CELF2: variants seen among roughly 807,000 people sequenced by gnomAD.
CELF2 encodes the protein CUG triplet repeat RNA-binding protein 2.
A neutral mutation model predicts 62.6 loss-of-function variants in CELF2; 8 were observed. The ratio of observed to expected loss-of-function variants is 0.13; its 90% CI spans 0.07 to 0.23. The LOEUF (loss-of-function observed/expected upper bound fraction) is 0.23, where lower values mean the gene tolerates loss of function less well. Ranked by LOEUF, CELF2 falls within the 10% of genes least tolerant of loss-of-function variation. The pLI, the probability that CELF2 is intolerant of heterozygous loss-of-function variation, is 1.00. For missense variants in CELF2, 333 were observed against 671.0 expected (o/e 0.50, Z 5.56); for synonymous variants, 258 against 250.0 (o/e 1.03, Z -0.30).
chr10:11,244,507 T>G lies in CELF2; in HGVS notation c.355-4646T>G, dbSNP rs186765934. On this transcript the variant is annotated intron_variant, in intron 3 of 12. Transcript: ENST00000633077. This position sits in a 1 kb window ranked among gnomAD's most constrained non-coding sequence, Gnocchi z 4.2. The stretch of plus-strand genomic sequence containing the variant: ...TCTCTGCTAAAAATACAAAGAAAAT[T>G]AGTTGGGCGTGGTGGCGGGCGCCTG... Among the ~76,000 whole-genome samples, 12 of 151,726 alleles carry G rather than the reference T, an allele frequency of 7.9e-5. No homozygotes were observed. Among genetic ancestry groups the G allele is most frequent in the African/African-American group, 2.9e-4 (12 of 41,256 alleles).
the CELF2 span, among the ~76,000 whole-genome samples, chr10:10,478,119 G>C: frequency 2.1e-4 from 32 of 152,242 alleles, no homozygotes; most frequent in East Asian, 3.5e-3. Context: ...TTAGCCATCA[G>C]ATTTGCTATC....
At chr10:11,293,400 A>G (rs1056086083) in intron 9 of CELF2, among the ~76,000 whole-genome samples, 1 of 152,252 alleles carries the variant, frequency 6.6e-6, no homozygotes, top group Non-Finnish European at 1.5e-5. Context: ...ATATGAATCA[A>G]TGCAAATGCC....
chr10:10,577,690 C>A, the CELF2 span, among the ~76,000 whole-genome samples: 1 of 152,034 alleles, frequency 6.6e-6, no homozygotes, highest in African/African-American at 2.4e-5. Context: ...GACATGAACT[C>A]ATCATTTTTT....
the CELF2 span, among the ~76,000 whole-genome samples, chr10:10,785,792 T>C: frequency 6.6e-6 from 1 of 152,126 alleles, no homozygotes; most frequent in African/African-American, 2.4e-5. Flanking sequence ...AGAAAGAAGT[T>C]CAAGAGGTCC....
At chr10:10,514,702 G>C in the CELF2 span, among the ~76,000 whole-genome samples, 1 of 152,098 alleles carries the variant, frequency 6.6e-6, no homozygotes, top group African/African-American at 2.4e-5. Context: ...GGATGGGGGT[G>C]TGTCTTAAAT....
intron 1 of CELF2, among the ~76,000 whole-genome samples, chr10:11,151,696 C>A (rs899347639): frequency 6.6e-6 from 1 of 152,058 alleles, no homozygotes; most frequent in African/African-American, 2.4e-5. Flanking sequence ...GCTGTGTTTT[C>A]TGGACCAAAC....
At chr10:10,719,590 T>C in the CELF2 span, among the ~76,000 whole-genome samples, 5 of 152,174 alleles carry the variant, frequency 3.3e-5, no homozygotes, top group African/African-American at 1.2e-4. Flanking sequence ...TTTTATATGT[T>C]GCATGATAGC....
At chr10:10,587,044 G>A in the CELF2 span, among the ~76,000 whole-genome samples, 6 of 152,152 alleles carry the variant, frequency 3.9e-5, no homozygotes, top group Non-Finnish European at 8.8e-5. Flanking sequence ...AGAACCAGAG[G>A]TGCCCCTTTA....
At chr10:11,284,069 G>A (rs866235373) in intron 8 of CELF2, among the ~76,000 whole-genome samples, 7 of 103,238 alleles carry the variant, frequency 6.8e-5, no homozygotes, top group Admixed American at 2.1e-4. Context: ...AGTGTGTGGT[G>A]GGTGGATGAT....
At chr10:10,736,357 A>AT in the CELF2 span, among the ~76,000 whole-genome samples, 6 of 109,670 alleles carry the variant, frequency 5.5e-5, no homozygotes, top group African/African-American at 2.3e-4. Context: ...ACTGATTTCT[A>AT]TTCTTTCTTT....
At chr10:11,197,334 T>C (rs1408846401) in intron 2 of CELF2, among the ~76,000 whole-genome samples, 2 of 152,142 alleles carry the variant, frequency 1.3e-5, no homozygotes, top group African/African-American at 4.8e-5. Context: ...GCTCACTCCT[T>C]CTCCTGTCCA....
chr10:10,615,213 T>C, the CELF2 span, among the ~76,000 whole-genome samples: 108,791 of 151,974 alleles, frequency 0.72, 40,211 homozygotes, highest in South Asian at 0.84. Flanking sequence ...ATGAAAGTCC[T>C]GTTCATCTTC....
chr10:10,967,311 G>T (rs908945449), intron 2 of CELF2, among the ~76,000 whole-genome samples: 2 of 152,204 alleles, frequency 1.3e-5, no homozygotes, highest in Non-Finnish European at 2.9e-5. Flanking sequence ...CATCTGGTTA[G>T]GTTAGAGGTC....
chr10:11,262,563 C>T (rs2080986749), intron 5 of CELF2, among the ~76,000 whole-genome samples: 1 of 152,166 alleles, frequency 6.6e-6, no homozygotes, highest in African/African-American at 2.4e-5. Flanking sequence ...ATTTTGCCAG[C>T]TATTAAGTAG....
chr10:11,185,807 A>G (rs1362340361), intron 2 of CELF2, among the ~76,000 whole-genome samples: 2 of 152,200 alleles, frequency 1.3e-5, no homozygotes, highest in African/African-American at 4.8e-5. Flanking sequence ...TAGTTTGTTT[A>G]TAACTTCTTT....
At chr10:10,737,965 G>A in the CELF2 span, among the ~76,000 whole-genome samples, 1 of 152,172 alleles carries the variant, frequency 6.6e-6, no homozygotes, top group Non-Finnish European at 1.5e-5. Context: ...GCCTACCGCT[G>A]CAGCATCATC....
At chr10:11,105,754 T>C (rs990852933) in intron 1 of CELF2, among the ~76,000 whole-genome samples, 1 of 152,236 alleles carries the variant, frequency 6.6e-6, no homozygotes, top group African/African-American at 2.4e-5. Flanking sequence ...CACACATCTC[T>C]GCTCTGGGAT....
In CELF2 at chr10:10,916,594, C is replaced by T. The variant is rs138924553; in HGVS notation, c.54-3370C>T. 5.6e-3 allele frequency among the ~76,000 whole-genome samples: 854 copies of T among 152,178 alleles called. 2 individuals carry two copies. Among genetic ancestry groups the T allele is most frequent in the Non-Finnish European group, 7.1e-3 (482 of 67,982 alleles). ...TTTGTGCATAAATCCACCCATAGTC[C>T]ACCATTTGGAATTTCTTTTGTTGTT... On this transcript the variant is annotated intron_variant, in intron 1 of 13. Transcript: ENST00000636488.
the CELF2 span, among the ~76,000 whole-genome samples, chr10:10,672,892 G>T: frequency 1.3e-5 from 2 of 152,052 alleles, no homozygotes; most frequent in African/African-American, 2.4e-5. Flanking sequence ...GGGAAAAACC[G>T]ACTTGCCAGT....
Sources: gnomAD v4.1 joint callset for allele counts (sites outside exome capture counted in the v4.1 genomes callset) on GRCh38, gnomAD v4.1.1 for gene constraint, Gnocchi (gnomAD v3.1) non-coding constraint, MANE v1.5 for transcripts, NCBI Gene and HGNC (gene_info 2026-07-23, HGNC 2026-07-21) for gene names.